Variants in RPTOR observed in about 807,000 individuals in gnomAD.
The protein encoded by RPTOR is regulatory associated protein of MTOR complex 1.
RPTOR carries 21 observed loss-of-function variants against 169.9 expected under a neutral mutation model. The observed-to-expected ratio is 0.12, with a 90% CI of 0.09 to 0.18. RPTOR has a LOEUF of 0.18. Ranked by LOEUF, RPTOR falls within the 10% of genes least tolerant of loss-of-function variation. The pLI is 1.00. For synonymous variants in RPTOR, 732 were observed against 753.2 expected (o/e 0.97, Z 0.46); for missense variants, 1,133 against 1,855.9 (o/e 0.61, Z 7.16).
rs1598426583 is a variant in RPTOR, at chr17:80,959,557, T to TCGCCCC, written c.3478-511_3478-506dup. 6.6e-6 allele frequency among the ~76,000 whole-genome samples: 1 copy of TCGCCCC among 152,220 alleles called. No individual in the cohort carries two copies. The highest frequency in any genetic ancestry group is 1.9e-4 in the East Asian group (1 of 5,178). On this transcript the variant is annotated intron_variant, in intron 29 of 33. Transcript: ENST00000306801. The surrounding 1 kb of genome is among the most constrained non-coding windows in gnomAD (Gnocchi z 6.7). ...CCTCCTGCGTCCCTGGCAGGTGCCA[T>TCGCCCC]CGCCCCCGCCCCCGCTTCTCCAGCA...
chr17:80,842,519 G>A lies in RPTOR; in HGVS notation c.1213-3954G>A, dbSNP rs550314156. On this transcript the variant is annotated intron_variant, in intron 10 of 33. Coordinates refer to ENST00000306801, the MANE Select transcript of RPTOR (RefSeq NM_020761.3). Reference sequence around the variant, plus strand: ...TGGTGCCAGAGCACTCTGCAAAGTGGCTGAGTCAGTTTACACTCCTGCCTG... The same window carrying A: ...TGGTGCCAGAGCACTCTGCAAAGTGACTGAGTCAGTTTACACTCCTGCCTG... Among the ~76,000 whole-genome samples the A allele has an allele frequency of 4.6e-5, 7 of 152,256 alleles. No homozygotes were observed. The South Asian group carries it at 1.2e-3, about 27-fold the overall frequency.
intron 3 of RPTOR, among the ~76,000 whole-genome samples, chr17:80,678,250 CAT>C (rs932862699): frequency 6.6e-6 from 1 of 152,118 alleles, no homozygotes; most frequent in African/African-American, 2.4e-5. Flanking sequence ...GACCTTTTGA[CAT>C]ATGGGTGGAT....
At chr17:80,674,638 T>C (rs972123034) in intron 3 of RPTOR, among the ~76,000 whole-genome samples, 2 of 151,994 alleles carry the variant, frequency 1.3e-5, no homozygotes, top group African/African-American at 4.8e-5. Flanking sequence ...TCCTTCTGAA[T>C]TGGTTCTAAA....
chr17:80,618,852 T>G lies in RPTOR; in HGVS notation c.163-6839T>G, dbSNP rs143613275. Among the ~76,000 whole-genome samples, 3 of 152,222 alleles carry G rather than the reference T, an allele frequency of 2.0e-5. No individual in the cohort carries two copies. The East Asian group carries it at 5.8e-4, about 29-fold the overall frequency. ...GATGATCTTGTTTTGGACTGCAGGT[T>G]TTGGTTGCAGAAATTCAGTTGGATG... On this transcript the variant is annotated intron_variant, in intron 1 of 33. Transcript: ENST00000306801.
chr17:80,874,289 C>T (rs898672423), intron 13 of RPTOR, among the ~76,000 whole-genome samples: 1 of 151,906 alleles, frequency 6.6e-6, no homozygotes, highest in African/African-American at 2.4e-5. Flanking sequence ...CTCCACCTCC[C>T]GGGTTCAAGC....
At chr17:80,863,006 C>T (rs998224456) in intron 13 of RPTOR, among the ~76,000 whole-genome samples, 7 of 152,222 alleles carry the variant, frequency 4.6e-5, no homozygotes, top group African/African-American at 1.7e-4. Flanking sequence ...TGGGACCTCC[C>T]CTCATTTCCC....
In RPTOR at chr17:80,784,722, G is replaced by C. The variant is rs2066974685; in HGVS notation, c.831-6728G>C. 2.7e-5 allele frequency among the ~76,000 whole-genome samples: 4 copies of C among 147,166 alleles called. No homozygotes were observed. In the Admixed American group the frequency reaches 2.7e-4, roughly 10 times the overall value. On this transcript the variant is annotated intron_variant, in intron 6 of 33. Transcript: ENST00000306801. ...TTACTTTTTTTTTTTTTTTGAGACAGAGTTTCGCTCTTTTTGCCAAGGCTG... is the reference window on the plus strand; with the variant it reads ...TTACTTTTTTTTTTTTTTTGAGACACAGTTTCGCTCTTTTTGCCAAGGCTG...
chr17:80,590,868 C>T (rs2065099903), intron 1 of RPTOR, among the ~76,000 whole-genome samples: 1 of 151,546 alleles, frequency 6.6e-6, no homozygotes, highest in Admixed American at 6.6e-5. Flanking sequence ...CTGCCTCTGG[C>T]TTTTAGCAAG....
At chr17:80,604,347 A>G (rs1250987737) in intron 1 of RPTOR, among the ~76,000 whole-genome samples, 1 of 152,274 alleles carries the variant, frequency 6.6e-6, no homozygotes, top group African/African-American at 2.4e-5. Context: ...CTGTGAGAAC[A>G]TCATTGAATT....
chr17:80,600,823 G>A lies in RPTOR; in HGVS notation c.163-24868G>A, dbSNP rs554503224. Among the ~76,000 whole-genome samples the A allele has an allele frequency of 2.0e-5, 3 of 152,084 alleles. No individual in the cohort carries two copies. In the East Asian group the frequency reaches 5.8e-4, roughly 29 times the overall value. ...GCCAGAGGATGGACAGTGGCAGATC[G>A]TATTTTCCAGAGATGACCGCAGCAG... On this transcript the variant is annotated intron_variant, in intron 1 of 33. Coordinates refer to ENST00000306801, the MANE Select transcript of RPTOR (RefSeq NM_020761.3).
At chr17:80,757,300 G>A (rs1314759582) in intron 6 of RPTOR, among the ~76,000 whole-genome samples, 3 of 152,176 alleles carry the variant, frequency 2.0e-5, no homozygotes, top group African/African-American at 4.8e-5. Context: ...GGAGACCTCC[G>A]ACCTCAGCAC....
At chr17:80,571,873 T>A (rs1193061249) in intron 1 of RPTOR, among the ~76,000 whole-genome samples, 1 of 152,230 alleles carries the variant, frequency 6.6e-6, no homozygotes, top group Non-Finnish European at 1.5e-5. Context: ...AAGTTGTACT[T>A]GCGTTTTCGT....
chr17:80,643,145 G>A (rs2065566708), intron 2 of RPTOR, among the ~76,000 whole-genome samples: 1 of 152,110 alleles, frequency 6.6e-6, no homozygotes, highest in South Asian at 2.1e-4. Flanking sequence ...GTGCAAAGGG[G>A]TCCTGAGACC....
rs1483444638 is a variant in RPTOR, at chr17:80,776,865, C to T, written c.831-14585C>T. On this transcript the variant is annotated intron_variant, in intron 6 of 33. Coordinates refer to ENST00000306801, the MANE Select transcript of RPTOR (RefSeq NM_020761.3). ...TCTGGACCGACCAGTATTACAAGGC[C>T]GGAGACAGAGAAGGCCCCACAGTGT... 2.6e-5 allele frequency among the ~76,000 whole-genome samples: 4 copies of T among 152,228 alleles called. No individual in the cohort carries two copies. In the South Asian group the frequency reaches 8.3e-4, roughly 32 times the overall value.
At chr17:80,737,564 T>C (rs992887607) in intron 5 of RPTOR, among the ~76,000 whole-genome samples, 2 of 152,188 alleles carry the variant, frequency 1.3e-5, no homozygotes, top group African/African-American at 2.4e-5. Context: ...CACTCCAGGC[T>C]TGGGCATGGG....
intron 13 of RPTOR, among the ~76,000 whole-genome samples, chr17:80,869,586 C>G (rs34576464): frequency 0.22 from 33,103 of 152,002 alleles, 3,833 homozygotes; most frequent in African/African-American, 0.24. Flanking sequence ...TCACAGAGGA[C>G]AGTTGTGAAC....
intron 18 of RPTOR, among the ~76,000 whole-genome samples, chr17:80,892,187 G>C (rs1480883234): frequency 4.6e-5 from 7 of 152,102 alleles, no homozygotes; most frequent in Non-Finnish European, 1.0e-4. Context: ...TGGCTCCGTG[G>C]CTCGGTGAGT....
At position 80,841,986 on chromosome 17, in the gene RPTOR, C is replaced by T. The variant is rs1219619692; in HGVS notation, c.1212+3989C>T. Reference sequence around the variant, plus strand: ...GCAGCTCACTCTCACCGCACCGCAGCTCACTCTCACCCCACCGCAGCTCAC... The same window carrying T: ...GCAGCTCACTCTCACCGCACCGCAGTTCACTCTCACCCCACCGCAGCTCAC... On this transcript the variant is annotated intron_variant, in intron 10 of 33. Coordinates refer to ENST00000306801, the MANE Select transcript of RPTOR (RefSeq NM_020761.3). Among the ~76,000 whole-genome samples the T allele has an allele frequency of 3.3e-5, 5 of 150,716 alleles. No individual in the cohort carries two copies. The East Asian group carries it at 9.7e-4, about 29-fold the overall frequency.
chr17:80,740,992 G>A (rs573619467), intron 5 of RPTOR, among the ~76,000 whole-genome samples: 30 of 152,334 alleles, frequency 2.0e-4, no homozygotes, highest in Admixed American at 9.1e-4. Context: ...GTGCTACCTC[G>A]CGCCACTAGG....
Sources: gnomAD v4.1 joint callset for allele counts (sites outside exome capture counted in the v4.1 genomes callset) on GRCh38, gnomAD v4.1.1 for gene constraint, Gnocchi (gnomAD v3.1) non-coding constraint, MANE v1.5 for transcripts, NCBI Gene and HGNC (gene_info 2026-07-23, HGNC 2026-07-21) for gene names.